The following ENPP3 variants were observed in gnomAD, a reference collection of about 807,000 sequenced individuals.
The protein encoded by ENPP3 is ectonucleotide pyrophosphatase/phosphodiesterase family member 3.
ENPP3 carries 104 observed loss-of-function variants against 117.8 expected under a neutral mutation model. The observed-to-expected ratio is 0.88, with a 90% CI of 0.75 to 1.04. The LOEUF (loss-of-function observed/expected upper bound fraction) is 1.04, where lower values mean the gene tolerates loss of function less well. Among genes scored for constraint, ENPP3 ranks in the 50% least tolerant of loss-of-function variants. The pLI, the probability that ENPP3 is intolerant of heterozygous loss-of-function variation, is 0.00. For missense variants in ENPP3, 1,026 were observed against 1,051.9 expected (o/e 0.98, Z 0.34); for synonymous variants, 380 against 349.9 (o/e 1.09, Z -0.96).
chr6:131,687,598 C>G (rs939255429), intron 14 of ENPP3, among the ~76,000 whole-genome samples: 2 of 152,040 alleles, frequency 1.3e-5, no homozygotes, highest in African/African-American at 4.8e-5. Context: ...TATTCACAAA[C>G]TACAACAAAG....
intron 21 of ENPP3, among the ~76,000 whole-genome samples, chr6:131,734,202 G>C (rs1012959681): frequency 6.6e-6 from 1 of 152,136 alleles, no homozygotes; most frequent in Non-Finnish European, 1.5e-5. Flanking sequence ...CTGGAATTTT[G>C]GCCTGTCGCT....
intron 10 of ENPP3, 152 bp from the exon 11 acceptor site, chr6:131,677,716 C>T: frequency 1.8e-6 from 1 of 558,558 alleles, no homozygotes; most frequent in Non-Finnish European, 3.2e-6. Context: ...TTGCTGGAGC[C>T]AAGTAGAACT....
At chr6:131,722,729 C>T (rs751415206) in intron 18 of ENPP3, among the ~76,000 whole-genome samples, 12 of 152,154 alleles carry the variant, frequency 7.9e-5, no homozygotes, top group African/African-American at 1.9e-4. Context: ...ATTCTTCCTG[C>T]GGTTTATGAA....
rs927501890 is a variant in ENPP3, at chr6:131,649,251, A to G, written c.155-776A>G. On this transcript the variant is annotated intron_variant, in intron 2 of 24. Coordinates refer to ENST00000357639, the MANE Select transcript of ENPP3 (RefSeq NM_005021.5). ...CACCTATTTTCCAGAGTGACTTTCT[A>G]AAACACAGATCTAGTTCATTACTCT... is the stretch of plus-strand genomic sequence containing the variant. 1.8e-4 allele frequency among the ~76,000 whole-genome samples: 28 copies of G among 152,074 alleles called. 1 individual carries two copies. The highest frequency in any genetic ancestry group is 1.6e-3 in the Admixed American group (24 of 15,268).
intron 24 of ENPP3, among the ~76,000 whole-genome samples, 191 bp downstream of exon 24, chr6:131,740,571 A>G (rs533109852): frequency 4.9e-4 from 75 of 152,338 alleles, no homozygotes; most frequent in Non-Finnish European, 7.5e-4. Flanking sequence ...ATTTAAACAT[A>G]TATCTGCATA....
intron 2 of ENPP3, among the ~76,000 whole-genome samples, chr6:131,642,193 C>T (rs1382069715): frequency 1.3e-5 from 2 of 152,078 alleles, no homozygotes; most frequent in South Asian, 2.1e-4. Flanking sequence ...TATCTAGCCA[C>T]TTAGTCTTGA....
chr6:131,641,132 A>G (rs1363567135), intron 1 of ENPP3, among the ~76,000 whole-genome samples: 2 of 152,198 alleles, frequency 1.3e-5, no homozygotes, highest in Admixed American at 6.5e-5. Context: ...ATGGCCCAGA[A>G]AAATGGTTTT....
At chr6:131,712,555 T>C (rs1779811114) in intron 15 of ENPP3, among the ~76,000 whole-genome samples, 1 of 129,462 alleles carries the variant, frequency 7.7e-6, no homozygotes, top group Non-Finnish European at 1.5e-5. Flanking sequence ...AAGTTTTTAG[T>C]CCCTGATGAT....
At chr6:131,672,625 C>T (rs1778770070) in intron 7 of ENPP3, among the ~76,000 whole-genome samples, 1 of 151,798 alleles carries the variant, frequency 6.6e-6, no homozygotes, top group South Asian at 2.1e-4. Context: ...TTCATGACAA[C>T]TTTATAGAAT....
rs1406560564 is a variant in ENPP3, at chr6:131,714,740, C to T, written c.1413-3932C>T. Among the ~76,000 whole-genome samples, 21 of 144,396 alleles carry T rather than the reference C, an allele frequency of 1.5e-4. No individual in the cohort carries two copies. The East Asian group carries it at 2.8e-3, about 20-fold the overall frequency. 94.7% of individuals were successfully genotyped at this position (144,396 alleles called of 152,430 possible). Reference sequence around the variant, plus strand: ...GACTTTTCCTCCACATGTTCATTTCCGTGAAAAATATCACTTGGTACTAGA... The same window carrying T: ...GACTTTTCCTCCACATGTTCATTTCTGTGAAAAATATCACTTGGTACTAGA... On this transcript the variant is annotated intron_variant, in intron 15 of 24. Transcript: ENST00000357639.
chr6:131,733,189 ATACT>A (rs1780323014), intron 20 of ENPP3, among the ~76,000 whole-genome samples: 1 of 152,190 alleles, frequency 6.6e-6, no homozygotes, highest in South Asian at 2.1e-4. Flanking sequence ...TAATATATCA[ATACT>A]TAGTTTATAT....
At chr6:131,745,174 T>C (rs1780609329) in intron 24 of ENPP3, among the ~76,000 whole-genome samples, 1 of 151,942 alleles carries the variant, frequency 6.6e-6, no homozygotes, top group Non-Finnish European at 1.5e-5. Flanking sequence ...ATCAAAGATA[T>C]TAGGTGCTGC....
chr6:131,735,412 G>A (rs1190509019), intron 21 of ENPP3, among the ~76,000 whole-genome samples: 1 of 152,042 alleles, frequency 6.6e-6, no homozygotes, highest in Non-Finnish European at 1.5e-5. Context: ...AGAAAAAAGA[G>A]CTACTTGTTT....
intron 14 of ENPP3, among the ~76,000 whole-genome samples, chr6:131,690,107 TGTTG>T (rs895123269): frequency 6.6e-6 from 1 of 152,222 alleles, no homozygotes; most frequent in Non-Finnish European, 1.5e-5. Context: ...CCATAAACAT[TGTTG>T]AAAAGACAAC....
At chr6:131,656,168 G>T (rs766216600) in intron 5 of ENPP3, among the ~76,000 whole-genome samples, 1 of 152,128 alleles carries the variant, frequency 6.6e-6, no homozygotes, top group Non-Finnish European at 1.5e-5. Context: ...ACTGGCGGGG[G>T]ACACCTTGGG....
chr6:131,644,454 T>C (rs2114293985), intron 2 of ENPP3, among the ~76,000 whole-genome samples: 1 of 152,324 alleles, frequency 6.6e-6, no homozygotes, highest in East Asian at 1.9e-4. Flanking sequence ...AGTATTTGGA[T>C]TCTGGATCTA....
chr6:131,742,023 A>T (rs1780536790), intron 24 of ENPP3, among the ~76,000 whole-genome samples: 1 of 152,144 alleles, frequency 6.6e-6, no homozygotes, highest in South Asian at 2.1e-4. Flanking sequence ...TCAAAGGAGA[A>T]TTACTTCTTG....
intron 14 of ENPP3, 79 bp downstream of exon 14, chr6:131,685,986 G>T: frequency 1.9e-6 from 1 of 520,858 alleles, no homozygotes; most frequent in Non-Finnish European, 3.5e-6. Flanking sequence ...AATTCATATT[G>T]TATATTTCTA....
At chr6:131,685,730 C>A (rs181224458) in intron 13 of ENPP3, 146 bp from the exon 14 acceptor site, 9 of 652,100 alleles carry the variant, frequency 1.4e-5, no homozygotes, top group African/African-American at 3.7e-5. Flanking sequence ...TAAAATAATT[C>A]TTTGCTTGAA....
Sources: gnomAD v4.1 joint callset for allele counts (sites outside exome capture counted in the v4.1 genomes callset) on GRCh38, gnomAD v4.1.1 for gene constraint, MANE v1.5 for transcripts, NCBI Gene and HGNC (gene_info 2026-07-23, HGNC 2026-07-21) for gene names.